ST6GAL2: variants seen among roughly 807,000 people sequenced by gnomAD.
ST6GAL2 encodes the protein ST6 beta-galactoside alpha-2,6-sialyltransferase 2.
A neutral mutation model predicts 37.5 loss-of-function variants in ST6GAL2; 24 were observed. The ratio of observed to expected loss-of-function variants is 0.64; its 90% CI spans 0.46 to 0.90. The LOEUF (loss-of-function observed/expected upper bound fraction) is 0.90. ST6GAL2 is among the 40% of genes least tolerant of loss of function. The probability of loss-of-function intolerance (pLI) is 0.00; values close to 1 mark genes in which losing one functional copy is unlikely to be tolerated. For synonymous variants in ST6GAL2, 306 were observed against 295.1 expected (o/e 1.04, Z -0.38); for missense variants, 715 against 712.7 (o/e 1.00, Z -0.04).
chr2:106,851,502 C>A (rs1677356579), intron 1 of ST6GAL2, among the ~76,000 whole-genome samples: 1 of 152,226 alleles, frequency 6.6e-6, no homozygotes, highest in Non-Finnish European at 1.5e-5. Flanking sequence ...AACGCTGCCA[C>A]AGAGGAACAT....
At chr2:106,832,377 G>A (rs1044320580) in intron 4 of ST6GAL2, among the ~76,000 whole-genome samples, 188 bp downstream of exon 4, 1 of 152,242 alleles carries the variant, frequency 6.6e-6, no homozygotes, top group African/African-American at 2.4e-5. Flanking sequence ...TTTGGCATTA[G>A]ATGACTAATG....
intron 1 of ST6GAL2, among the ~76,000 whole-genome samples, chr2:106,870,913 G>C (rs1485424046): frequency 2.0e-5 from 3 of 152,172 alleles, no homozygotes; most frequent in Non-Finnish European, 4.4e-5. Context: ...TAAGCAAAGT[G>C]AAAGAATTTT....
At chr2:106,829,984 A>G (rs1676352125) in intron 5 of ST6GAL2, 82 bp downstream of exon 5, 1 of 1,332,888 alleles carries the variant, frequency 7.5e-7, no homozygotes, top group Non-Finnish European at 1.1e-6. Context: ...TTCAACCTGT[A>G]TAACACGACT....
intron 1 of ST6GAL2, among the ~76,000 whole-genome samples, chr2:106,850,699 T>A (rs182154298): frequency 1.3e-5 from 2 of 152,290 alleles, no homozygotes; most frequent in East Asian, 3.9e-4. Flanking sequence ...GCAAGGGACA[T>A]CATCAATGTT....
At chr2:106,876,558 T>G (rs1678510072) in intron 1 of ST6GAL2, among the ~76,000 whole-genome samples, 13 of 152,220 alleles carry the variant, frequency 8.5e-5, no homozygotes, top group Admixed American at 8.5e-4. Flanking sequence ...GACACAAAAC[T>G]AATCTACTCT....
At chr2:106,813,854 C>T (rs1675699987) in intron 5 of ST6GAL2, among the ~76,000 whole-genome samples, 1 of 152,138 alleles carries the variant, frequency 6.6e-6, no homozygotes, top group Non-Finnish European at 1.5e-5. Flanking sequence ...CACTGCAGAA[C>T]ACTTTTCCGA....
chr2:106,834,350 T>G, intron 2 of ST6GAL2: 4 of 526,190 alleles, frequency 7.6e-6, no homozygotes, highest in Non-Finnish European at 1.0e-5. Flanking sequence ...TGGATATATA[T>G]AGATGTAAAA....
chr2:106,854,376 C>CTTA (rs1210767803), intron 1 of ST6GAL2, among the ~76,000 whole-genome samples: 8 of 152,182 alleles, frequency 5.3e-5, no homozygotes, highest in African/African-American at 1.9e-4. Context: ...AAGTAATGTG[C>CTTA]TTAGCACTGT....
intron 2 of ST6GAL2, among the ~76,000 whole-genome samples, chr2:106,835,196 A>G (rs763182270): frequency 6.6e-6 from 1 of 152,310 alleles, no homozygotes; most frequent in Admixed American, 6.5e-5. Flanking sequence ...TAAATATCTC[A>G]TGCAGATTCC....
intron 5 of ST6GAL2, among the ~76,000 whole-genome samples, chr2:106,823,448 C>CACACAA (rs1197433940): frequency 6.1e-5 from 4 of 65,452 alleles, no homozygotes; most frequent in Non-Finnish European, 1.1e-4. Context: ...AGAAAACACA[C>CACACAA]ACACACACAC....
At chr2:106,834,020 C>A (rs771822437) in intron 3 of ST6GAL2, 29 bp downstream of exon 3, 140 of 1,522,650 alleles carry the variant, frequency 9.2e-5, no homozygotes, top group Non-Finnish European at 1.3e-4. Context: ...AAGAAACATA[C>A]ATCCATGAAA....
intron 1 of ST6GAL2, among the ~76,000 whole-genome samples, chr2:106,848,982 C>T (rs1677251905): frequency 6.6e-6 from 1 of 152,128 alleles, no homozygotes; most frequent in South Asian, 2.1e-4. Context: ...ACAGCTGTGG[C>T]ATATATACCT....
At chr2:106,807,443 A>C (rs1391896001) in intron 5 of ST6GAL2, among the ~76,000 whole-genome samples, 1 of 152,238 alleles carries the variant, frequency 6.6e-6, no homozygotes, top group South Asian at 2.1e-4. Flanking sequence ...GTAACATAAA[A>C]CTGTACAATG....
intron 4 of ST6GAL2, among the ~76,000 whole-genome samples, 198 bp from the exon 5 acceptor site, chr2:106,830,438 A>G (rs1676376101): frequency 6.6e-6 from 1 of 152,216 alleles, no homozygotes; most frequent in African/African-American, 2.4e-5. Flanking sequence ...CGCTAGCCCT[A>G]GCAGATATAA....
intron 5 of ST6GAL2, among the ~76,000 whole-genome samples, chr2:106,824,562 G>A (rs1573223235): frequency 6.6e-6 from 1 of 152,266 alleles, no homozygotes; most frequent in East Asian, 1.9e-4. Context: ...AACCCAGGAG[G>A]CAGAGGTTGC....
chr2:106,818,091 T>G (rs1338485913), intron 5 of ST6GAL2, among the ~76,000 whole-genome samples: 2 of 152,144 alleles, frequency 1.3e-5, no homozygotes, highest in African/African-American at 4.8e-5. Flanking sequence ...TTTCCGACTC[T>G]AGGCCCTGGC....
chr2:106,853,026 CTG>C (rs966410539), intron 1 of ST6GAL2, among the ~76,000 whole-genome samples: 1 of 152,196 alleles, frequency 6.6e-6, no homozygotes, highest in African/African-American at 2.4e-5. Context: ...CCCAAAGCCC[CTG>C]TCTTTTTTTC....
At chr2:106,826,119 T>C (rs1164979815) in intron 5 of ST6GAL2, among the ~76,000 whole-genome samples, 1 of 152,222 alleles carries the variant, frequency 6.6e-6, no homozygotes, top group African/African-American at 2.4e-5. Context: ...AAAGAAAATG[T>C]ATGCAGTGGA....
Position 106,825,988 on chromosome 2 carries a change from C to T in ST6GAL2, c.1318+4078G>A, listed in dbSNP as rs1328662951. On this transcript the variant is annotated intron_variant, in intron 5 of 5. Coordinates refer to ENST00000409382, the MANE Select transcript of ST6GAL2 (RefSeq NM_001142351.2). The stretch of plus-strand genomic sequence containing the variant: ...GCACTACATTTAAGGGGCTCAGTAA[C>T]TTCTCCCTGGGAATCTAACTGCCGC... Among the ~76,000 whole-genome samples, 4 of 152,340 alleles carry T rather than the reference C, an allele frequency of 2.6e-5. No individual in the cohort carries two copies. The East Asian group carries it at 7.7e-4, about 29-fold the overall frequency.
Sources: gnomAD v4.1 joint callset for allele counts (sites outside exome capture counted in the v4.1 genomes callset) on GRCh38, gnomAD v4.1.1 for gene constraint, MANE v1.5 for transcripts, NCBI Gene and HGNC (gene_info 2026-07-23, HGNC 2026-07-21) for gene names.